BRINP3: variants seen among roughly 807,000 people sequenced by gnomAD.
BRINP3 encodes BMP/retinoic acid inducible neural specific 3.
BRINP3 carries 19 observed loss-of-function variants against 71.0 expected under a neutral mutation model. The ratio of observed to expected loss-of-function variants is 0.27; its 90% CI spans 0.19 to 0.39. BRINP3 has a LOEUF of 0.39. BRINP3 is among the 10% of genes least tolerant of loss of function. BRINP3 has a pLI of 1.00. For synonymous variants in BRINP3, 380 were observed against 337.7 expected (o/e 1.13, Z -1.37); for missense variants, 959 against 940.8 (o/e 1.02, Z -0.25).
intron 2 of BRINP3, among the ~76,000 whole-genome samples, chr1:190,337,741 G>A (rs1057321103): frequency 3.9e-5 from 6 of 151,972 alleles, no homozygotes; most frequent in African/African-American, 1.2e-4. Flanking sequence ...TTGTGATCAC[G>A]TCAGTCAATT....
chr1:190,425,433 A>G (rs1166160285), intron 2 of BRINP3, among the ~76,000 whole-genome samples: 1 of 151,770 alleles, frequency 6.6e-6, no homozygotes, highest in Non-Finnish European at 1.5e-5. Context: ...GCGTTTTCAT[A>G]TTCTCAATCA....
chr1:190,315,647 T>A (rs1299608738), intron 2 of BRINP3, among the ~76,000 whole-genome samples: 2 of 152,144 alleles, frequency 1.3e-5, no homozygotes, highest in African/African-American at 2.4e-5. Flanking sequence ...TTGCTTTAAG[T>A]TCATTCATTG....
chr1:190,428,389 G>A (rs1462259250), intron 2 of BRINP3, among the ~76,000 whole-genome samples: 1 of 151,652 alleles, frequency 6.6e-6, no homozygotes, highest in Non-Finnish European at 1.5e-5. Context: ...ATGCCTTCTA[G>A]TTCTATCTCT....
chr1:190,247,997 G>A (rs1320159081), intron 4 of BRINP3, among the ~76,000 whole-genome samples: 1 of 151,820 alleles, frequency 6.6e-6, no homozygotes, highest in Non-Finnish European at 1.5e-5. Flanking sequence ...TAAAACAAAA[G>A]TAGCTCAATC....
chr1:190,129,910 C>T (rs985641179), intron 7 of BRINP3, among the ~76,000 whole-genome samples: 1 of 151,988 alleles, frequency 6.6e-6, no homozygotes, highest in African/African-American at 2.4e-5. Flanking sequence ...CTTTAGACAA[C>T]ATTTAACATT....
At chr1:190,188,261 T>C (rs1465118687) in intron 6 of BRINP3, among the ~76,000 whole-genome samples, 1 of 152,170 alleles carries the variant, frequency 6.6e-6, no homozygotes, top group Non-Finnish European at 1.5e-5. Flanking sequence ...CTAACATTTA[T>C]TTGGTAGAGT....
chr1:190,366,472 TTTGG>T (rs1669509398), intron 2 of BRINP3, among the ~76,000 whole-genome samples: 1 of 151,906 alleles, frequency 6.6e-6, no homozygotes, highest in Non-Finnish European at 1.5e-5. Flanking sequence ...CAAGATGAGA[TTTGG>T]GTGAGGACAC....
chr1:190,384,371 T>G (rs1342119177), intron 2 of BRINP3, among the ~76,000 whole-genome samples: 1 of 151,882 alleles, frequency 6.6e-6, no homozygotes, highest in Non-Finnish European at 1.5e-5. Flanking sequence ...AATTAATTCA[T>G]TATTTTAAGT....
chr1:190,419,690 T>TACACAC (rs5779528), intron 2 of BRINP3, among the ~76,000 whole-genome samples: 3,316 of 148,414 alleles, frequency 0.022, 90 homozygotes, highest in African/African-American at 0.063. Flanking sequence ...TATACATTTA[T>TACACAC]ACACACACAC....
intron 2 of BRINP3, among the ~76,000 whole-genome samples, chr1:190,388,074 T>A (rs1160699893): frequency 6.6e-6 from 1 of 151,822 alleles, no homozygotes; most frequent in Non-Finnish European, 1.5e-5. Context: ...ATTCCCCAGG[T>A]AAATTCTCCT....
chr1:190,221,501 GAGA>G (rs1371971533), intron 6 of BRINP3, among the ~76,000 whole-genome samples: 1 of 143,538 alleles, frequency 7.0e-6, no homozygotes, highest in Non-Finnish European at 1.6e-5. Context: ...ACAGTAAGAA[GAGA>G]AGAAGAGACT....
chr1:190,152,580 T>C (rs1439256542), intron 7 of BRINP3, among the ~76,000 whole-genome samples: 2 of 136,210 alleles, frequency 1.5e-5, no homozygotes, highest in Non-Finnish European at 3.1e-5. Flanking sequence ...TCTGTTATTA[T>C]TGTCAAAATC....
chr1:190,217,348 C>CAA (rs796107657), intron 6 of BRINP3, among the ~76,000 whole-genome samples: 2 of 145,112 alleles, frequency 1.4e-5, no homozygotes, highest in African/African-American at 5.0e-5. Flanking sequence ...TGTTATGAGG[C>CAA]AAAAAAAAAA....
At chr1:190,453,203 ATT>A (rs1190785225) in intron 2 of BRINP3, among the ~76,000 whole-genome samples, 264 of 40,764 alleles carry the variant, frequency 6.5e-3, no homozygotes, top group African/African-American at 0.015. Flanking sequence ...AAACTTTAGT[ATT>A]TTTTTTTTTT....
At chr1:190,305,146 C>T (rs138970639) in intron 2 of BRINP3, among the ~76,000 whole-genome samples, 57 of 151,544 alleles carry the variant, frequency 3.8e-4, no homozygotes, top group African/African-American at 1.3e-3. Flanking sequence ...AAAAGGGAAC[C>T]CTTATATACT....
intron 2 of BRINP3, among the ~76,000 whole-genome samples, chr1:190,412,164 A>T (rs1293012187): frequency 2.6e-5 from 4 of 152,026 alleles, no homozygotes; most frequent in Non-Finnish European, 4.4e-5. Flanking sequence ...AGTACCTAAC[A>T]GAAAAAGAGT....
chr1:190,351,625 G>A (rs915881295), intron 2 of BRINP3, among the ~76,000 whole-genome samples: 3 of 152,034 alleles, frequency 2.0e-5, no homozygotes, highest in African/African-American at 4.8e-5. Flanking sequence ...GTCATTCCAG[G>A]CTTTTCACCC....
intron 2 of BRINP3, among the ~76,000 whole-genome samples, chr1:190,378,231 A>T (rs1670304720): frequency 6.6e-6 from 1 of 152,210 alleles, no homozygotes; most frequent in Non-Finnish European, 1.5e-5. Flanking sequence ...GTCTCAACAG[A>T]AAGTCTCCTG....
At chr1:190,442,643 A>T (rs962990618) in intron 2 of BRINP3, among the ~76,000 whole-genome samples, 4 of 152,140 alleles carry the variant, frequency 2.6e-5, no homozygotes, top group Non-Finnish European at 5.9e-5. Flanking sequence ...TAAAACAAGT[A>T]AGGTACTTAC....
Sources: allele counts gnomAD v4.1 joint callset (sites outside exome capture counted in the v4.1 genomes callset), GRCh38; gene constraint gnomAD v4.1.1; transcripts MANE v1.5; gene names NCBI Gene and HGNC (gene_info 2026-07-23, HGNC 2026-07-21).